Variants in ARHGAP42 observed in about 807,000 individuals in gnomAD.
ARHGAP42 encodes the protein rho GTPase-activating protein 42.
A neutral mutation model predicts 125.0 loss-of-function variants in ARHGAP42; 63 were observed. The observed-to-expected ratio is 0.50, with a 90% CI of 0.41 to 0.62. The LOEUF (loss-of-function observed/expected upper bound fraction) is 0.62. Among genes scored for constraint, ARHGAP42 ranks in the 20% least tolerant of loss-of-function variants. ARHGAP42 has a pLI of 0.00. For synonymous variants in ARHGAP42, 339 were observed against 351.0 expected (o/e 0.97, Z 0.38); for missense variants, 766 against 1,024.2 (o/e 0.75, Z 3.44).
intron 5 of ARHGAP42, among the ~76,000 whole-genome samples, chr11:100,918,221 G>T (rs988867799): frequency 6.6e-6 from 1 of 152,016 alleles, no homozygotes; most frequent in Non-Finnish European, 1.5e-5. Context: ...CCTAAGCATA[G>T]CTTCTCTTTT....
In ARHGAP42 at chr11:100,930,741, C is replaced by T. The variant is rs150838968; in HGVS notation, c.598-2415C>T. Among the ~76,000 whole-genome samples the T allele has an allele frequency of 3.9e-5, 6 of 152,208 alleles. No individual in the cohort carries two copies. The East Asian group carries it at 1.2e-3, about 29-fold the overall frequency. On this transcript the variant is annotated intron_variant, in intron 6 of 23. Coordinates refer to ENST00000298815, the MANE Select transcript of ARHGAP42 (RefSeq NM_152432.4). Reference sequence around the variant, plus strand: ...GAGTTTAGTGGGAAATATTGGTTTACCAAAATCTGTGTCAAAATACGTCCG... The same window carrying T: ...GAGTTTAGTGGGAAATATTGGTTTATCAAAATCTGTGTCAAAATACGTCCG...
In ARHGAP42 at chr11:100,760,196, C is replaced by T. The variant is rs572222433; in HGVS notation, c.155-10147C>T. Among the ~76,000 whole-genome samples the T allele has an allele frequency of 8.5e-5, 13 of 152,216 alleles. No individual in the cohort carries two copies. The East Asian group carries it at 1.5e-3, about 18-fold the overall frequency. On this transcript the variant is annotated intron_variant, in intron 1 of 23. Transcript: ENST00000298815. ...CTGTGCATACCTCTCTATTTGAAGA[C>T]GTTTGAAGGTCACAGCAGAGACAAA... is the stretch of plus-strand genomic sequence containing the variant.
chr11:100,882,465 C>A (rs1333152277), intron 4 of ARHGAP42, among the ~76,000 whole-genome samples: 2 of 149,582 alleles, frequency 1.3e-5, no homozygotes. Flanking sequence ...GGTGGGTTAG[C>A]TTTTTGATAT....
At position 100,908,855 on chromosome 11, in the gene ARHGAP42, C is replaced by T. The variant is rs111869068; in HGVS notation, c.385-4597C>T. 6.8e-3 allele frequency among the ~76,000 whole-genome samples: 1,034 copies of T among 152,308 alleles called. 2 individuals are homozygous for T. Among genetic ancestry groups the T allele is most frequent in the Non-Finnish European group, 9.1e-3 (622 of 68,024 alleles). ...TCCATAGAAATAATTTATATTTCCA[C>T]CAGCAGGGTATAATCATTCCCTTTT... is the stretch of plus-strand genomic sequence containing the variant. On this transcript the variant is annotated intron_variant, in intron 4 of 23. Coordinates refer to ENST00000298815, the MANE Select transcript of ARHGAP42 (RefSeq NM_152432.4).
intron 1 of ARHGAP42, among the ~76,000 whole-genome samples, chr11:100,742,798 G>C (rs36010595): frequency 1.3e-5 from 2 of 152,076 alleles, no homozygotes; most frequent in African/African-American, 2.4e-5. Flanking sequence ...GTGTTGTATT[G>C]ATCCTTTTAT....
At chr11:100,962,881 T>TA (rs982099589) in intron 16 of ARHGAP42, among the ~76,000 whole-genome samples, 5 of 151,536 alleles carry the variant, frequency 3.3e-5, no homozygotes, top group Non-Finnish European at 5.9e-5. Flanking sequence ...CATCTCAAAT[T>TA]AAAAAAAAGA....
chr11:100,929,813 G>T (rs1401609967), intron 6 of ARHGAP42, among the ~76,000 whole-genome samples: 1 of 151,970 alleles, frequency 6.6e-6, no homozygotes, highest in Non-Finnish European at 1.5e-5. Context: ...GCCCCTTATG[G>T]GATAAATGAT....
chr11:100,734,206 T>G (rs1216394575), intron 1 of ARHGAP42, among the ~76,000 whole-genome samples: 4 of 151,830 alleles, frequency 2.6e-5, no homozygotes, highest in Non-Finnish European at 4.4e-5. Context: ...GTGCTGGGAT[T>G]ACAAGCGTGA....
rs981714517 is a variant in ARHGAP42 at position 100,894,465 on chromosome 11, G to A, written c.385-18987G>A. ...TCAGCATTCACAGAGTGCTGAAACTGTGCAGTAAAGTAAAATGAAAAGAAA... is the reference window on the plus strand; with the variant it reads ...TCAGCATTCACAGAGTGCTGAAACTATGCAGTAAAGTAAAATGAAAAGAAA... On this transcript the variant is annotated intron_variant, in intron 4 of 23. Transcript: ENST00000298815. Among the ~76,000 whole-genome samples, 5 of 152,302 alleles carry A rather than the reference G, an allele frequency of 3.3e-5. No individual in the cohort carries two copies. In the East Asian group the frequency reaches 9.7e-4, roughly 29 times the overall value.
At chr11:100,912,738 T>G (rs1027052715) in intron 4 of ARHGAP42, among the ~76,000 whole-genome samples, 2 of 152,186 alleles carry the variant, frequency 1.3e-5, no homozygotes, top group Non-Finnish European at 2.9e-5. Flanking sequence ...AGTTACTCCC[T>G]TCTCAGCTAT....
At chr11:100,766,627 A>G (rs80296083) in intron 1 of ARHGAP42, among the ~76,000 whole-genome samples, 20,018 of 152,218 alleles carry the variant, frequency 0.13, 1,737 homozygotes, top group Non-Finnish European at 0.2. Flanking sequence ...TCAGAATTGC[A>G]CAGTCAGTAG....
At chr11:100,734,110 T>G (rs763287032) in intron 1 of ARHGAP42, among the ~76,000 whole-genome samples, 6 of 149,620 alleles carry the variant, frequency 4.0e-5, no homozygotes, top group Non-Finnish European at 8.9e-5. Context: ...AATTTTTGTA[T>G]TTTTAGTAGA....
intron 7 of ARHGAP42, among the ~76,000 whole-genome samples, chr11:100,935,591 AT>A (rs1198666592): frequency 6.6e-6 from 1 of 151,760 alleles, no homozygotes; most frequent in Non-Finnish European, 1.5e-5. Context: ...TGCATCCTAT[AT>A]TTTTTTAATT....
chr11:100,687,984 A>C (rs1357560471), intron 1 of ARHGAP42, 152 bp downstream of exon 1: 1 of 868,186 alleles, frequency 1.2e-6, no homozygotes, highest in Middle Eastern at 3.7e-4. Context: ...TGGCCAACAA[A>C]GTTTGTTCTT....
intron 3 of ARHGAP42, among the ~76,000 whole-genome samples, chr11:100,818,131 G>A (rs1025904212): frequency 4.6e-5 from 7 of 152,140 alleles, no homozygotes; most frequent in Non-Finnish European, 1.0e-4. Context: ...ACCCATTATT[G>A]TGTGTCCCCC....
rs552664327 is a variant in ARHGAP42, at chr11:100,757,581, A to T, written c.155-12762A>T. On this transcript the variant is annotated intron_variant, in intron 1 of 23. Transcript: ENST00000298815. ...TAGTTCACCAAAAATCATCATCTCTATTGTGATACCTTAAAAATGGGGTGG... is the reference window on the plus strand; with the variant it reads ...TAGTTCACCAAAAATCATCATCTCTTTTGTGATACCTTAAAAATGGGGTGG... 8.5e-4 allele frequency among the ~76,000 whole-genome samples: 129 copies of T among 152,332 alleles called. 1 individual carries two copies. Among genetic ancestry groups the T allele is most frequent in the African/African-American group, 3.0e-3 (124 of 41,594 alleles).
intron 3 of ARHGAP42, among the ~76,000 whole-genome samples, chr11:100,851,926 C>T (rs893084550): frequency 4.6e-5 from 7 of 152,158 alleles, no homozygotes; most frequent in Admixed American, 1.3e-4. Flanking sequence ...ATCCTCCCAC[C>T]TTGGCTGATT....
chr11:100,720,034 G>A lies in ARHGAP42; in HGVS notation c.154+32202G>A, dbSNP rs151149960. On this transcript the variant is annotated intron_variant, in intron 1 of 23. Transcript: ENST00000298815. ...TCTGGCACCGTAGTCAACATTTGTA[G>A]CTTTTACCATTGTTGCTTTGGAGCT... Among the ~76,000 whole-genome samples the A allele has an allele frequency of 3.3e-5, 5 of 152,318 alleles. No homozygotes were observed. The East Asian group carries it at 9.6e-4, about 29-fold the overall frequency.
In ARHGAP42 at chr11:100,889,832, TA is replaced by T. The variant is rs1866176999; in HGVS notation, c.385-23619del. Among the ~76,000 whole-genome samples, 6 of 152,316 alleles carry T rather than the reference TA, an allele frequency of 3.9e-5. No individual in the cohort carries two copies. In the South Asian group the frequency reaches 1.2e-3, roughly 32 times the overall value. On this transcript the variant is annotated intron_variant, in intron 4 of 23. Coordinates refer to ENST00000298815, the MANE Select transcript of ARHGAP42 (RefSeq NM_152432.4). ...TCATGGGCTCGTGCTGGTTTTCTTA[TA>T]TCCTTAACTTAACTCTTGACCCACC...
Sources: allele counts gnomAD v4.1 joint callset (sites outside exome capture counted in the v4.1 genomes callset), GRCh38; gene constraint gnomAD v4.1.1; transcripts MANE v1.5; gene names NCBI Gene and HGNC (gene_info 2026-07-23, HGNC 2026-07-21).